Variants in DTWD2 observed in about 807,000 individuals in gnomAD.
DTWD2 encodes DTW motif tRNA-uridine aminocarboxypropyltransferase 2, also known as tRNA-uridine aminocarboxypropyltransferase 2.
A neutral mutation model predicts 31.8 loss-of-function variants in DTWD2; 39 were observed. That is an observed-to-expected ratio of 1.22 (90% confidence interval 0.95 to 1.60). The LOEUF (loss-of-function observed/expected upper bound fraction) is 1.60. Ranked by LOEUF, DTWD2 falls within the 40% of genes most tolerant of loss-of-function variation. The pLI, the probability that DTWD2 is intolerant of heterozygous loss-of-function variation, is 0.00. For missense variants in DTWD2, 515 were observed against 381.5 expected, an observed-to-expected ratio of 1.35 and a Z score of -2.92; for synonymous variants, 180 against 142.8, an observed-to-expected ratio of 1.26 and a Z score of -1.86.
At chr5:118,923,912 G>C (rs918039398) in intron 4 of DTWD2, among the ~76,000 whole-genome samples, 1 of 152,136 alleles carries the variant, frequency 6.6e-6, no homozygotes, top group Non-Finnish European at 1.5e-5. Context: ...GAACATGTTA[G>C]ACAACACTTA....
intron 4 of DTWD2, among the ~76,000 whole-genome samples, chr5:118,876,801 A>C (rs1474073722): frequency 6.6e-6 from 1 of 152,212 alleles, no homozygotes; most frequent in South Asian, 2.1e-4. Context: ...CCAAATGTAC[A>C]AGAAGAGCTG....
At position 118,916,923 on chromosome 5, in the gene DTWD2, G is replaced by A. The variant is rs140420805; in HGVS notation, c.597+11614C>T. ...CAGAGGAATACCTGCTTTTTTTTCT[G>A]ACCCCATTAGAACTACAACTAATTA... On this transcript the variant is annotated intron_variant, in intron 4 of 5. Coordinates refer to ENST00000510708, the MANE Select transcript of DTWD2 (RefSeq NM_173666.4). 5.1e-3 allele frequency among the ~76,000 whole-genome samples: 767 copies of A among 151,638 alleles called. 1 individual carries two copies. The highest frequency in any genetic ancestry group is 7.7e-3 in the Non-Finnish European group (520 of 67,880).
At chr5:118,938,789 T>A (rs1307161178) in intron 3 of DTWD2, among the ~76,000 whole-genome samples, 3 of 78,818 alleles carry the variant, frequency 3.8e-5, no homozygotes, top group Non-Finnish European at 7.3e-5. Flanking sequence ...CTGAACTAAA[T>A]CTAATACAAG....
chr5:118,873,239 G>A (rs1446128114), intron 4 of DTWD2, among the ~76,000 whole-genome samples: 3 of 152,178 alleles, frequency 2.0e-5, no homozygotes, highest in African/African-American at 7.2e-5. Context: ...GGCTCAACTT[G>A]CTCCCATAAG....
chr5:118,915,009 A>G (rs1447092636), intron 4 of DTWD2, among the ~76,000 whole-genome samples: 1 of 152,120 alleles, frequency 6.6e-6, no homozygotes, highest in Non-Finnish European at 1.5e-5. Context: ...GGTGGATCAC[A>G]TGAGTCCAGG....
At chr5:118,855,916 T>G (rs989798160) in intron 4 of DTWD2, among the ~76,000 whole-genome samples, 5 of 152,160 alleles carry the variant, frequency 3.3e-5, no homozygotes, top group African/African-American at 1.2e-4. Flanking sequence ...GATTACAAAA[T>G]TTTTAATATT....
chr5:118,910,988 C>T (rs1753445681), intron 4 of DTWD2, among the ~76,000 whole-genome samples: 1 of 152,174 alleles, frequency 6.6e-6, no homozygotes, highest in Non-Finnish European at 1.5e-5. Flanking sequence ...AAGTCCCCAC[C>T]TCTTAATACC....
In DTWD2 at chr5:118,939,218, C is replaced by T. The variant is rs200486968; in HGVS notation, c.382G>A (p.Gly128Ser). The T allele has an allele frequency of 1.3e-5, 21 of 1,604,918 alleles. No homozygotes were observed. The highest frequency in any genetic ancestry group is 5.1e-5 in the Admixed American group (3 of 58,806). The change falls in exon 3 of 6, where the codon GGT becomes AGT. Residue 128 changes from glycine (G) to serine (S), a missense_variant. By Grantham distance (56) the Gly-to-Ser change is moderately conservative (BLOSUM62 0). Transcript: ENST00000510708. ...LPQDKCKVKI[G>S]RRFSEERDPE... ...TACCTTTCTTCACTGAAGCGACGAC[C>T]GATCTTCACTTTACACTTGTCCTGG...
chr5:118,961,304 TAAAC>T (rs1166968921), intron 1 of DTWD2, among the ~76,000 whole-genome samples: 3 of 152,210 alleles, frequency 2.0e-5, no homozygotes, highest in Non-Finnish European at 4.4e-5. Flanking sequence ...TATAGAAATA[TAAAC>T]AAATATAAAA....
intron 1 of DTWD2, among the ~76,000 whole-genome samples, chr5:118,985,492 A>T (rs1246973481): frequency 1.1e-4 from 10 of 91,018 alleles, no homozygotes; most frequent in African/African-American, 3.5e-4. Flanking sequence ...GTGCATTTTT[A>T]TATATATATA....
intron 4 of DTWD2, among the ~76,000 whole-genome samples, chr5:118,882,758 G>T (rs771253240): frequency 5.9e-5 from 9 of 152,218 alleles, no homozygotes; most frequent in Non-Finnish European, 8.8e-5. Flanking sequence ...GAGCTTCGGG[G>T]CACAGGGCAC....
chr5:118,919,694 T>C (rs1217406135), intron 4 of DTWD2, among the ~76,000 whole-genome samples: 3 of 152,222 alleles, frequency 2.0e-5, no homozygotes, highest in African/African-American at 7.2e-5. Flanking sequence ...TACTCAGCCA[T>C]GCATATGATA....
Position 118,988,296 on chromosome 5 carries a change from G to A in DTWD2, c.216C>T (p.Cys72=), listed in dbSNP as rs924467816. Residue 72 remains cysteine, a splice_region_variant and synonymous_variant, in exon 1 of 6, where the codon TGC becomes TGT. Coordinates refer to ENST00000510708, the MANE Select transcript of DTWD2 (RefSeq NM_173666.4). ...CCCGCCCCCAGCCCCGCGGTCACCT[G>A]CAGCGGGTGCACTCAGGCCTCCGCT... ...PAERRPECTR[C]SRPQKVCLCP... 4 of 1,522,784 alleles carry A rather than the reference G, an allele frequency of 2.6e-6. No individual in the cohort carries two copies. Among genetic ancestry groups the A allele is most frequent in the Admixed American group, 2.1e-5 (1 of 48,614 alleles). 94.3% of individuals were successfully genotyped at this position (1,522,784 alleles called of 1,614,324 possible).
intron 4 of DTWD2, among the ~76,000 whole-genome samples, chr5:118,851,808 G>A (rs528956372): frequency 1.3e-5 from 2 of 150,174 alleles, no homozygotes; most frequent in Admixed American, 6.6e-5. Flanking sequence ...CCTGCACATT[G>A]TGCACATGTA....
rs773667847 is a variant in DTWD2 at position 118,988,347 on chromosome 5, C to T, written c.165G>A (p.Leu55=). The T allele has an allele frequency of 3.2e-6, 5 of 1,558,882 alleles. No homozygotes were observed. In the Admixed American group the frequency reaches 7.6e-5, roughly 24 times the overall value. The change falls in exon 1 of 6, where the codon CTG becomes CTA. Residue 55 remains leucine (L), a synonymous_variant. Transcript: ENST00000510708. ...CGGCCGGCTCCACCGGCAGCTCCCACAGCCCGTCCGCACTGTCGTCGTCCG... is the reference window on the plus strand; with the variant it reads ...CGGCCGGCTCCACCGGCAGCTCCCATAGCCCGTCCGCACTGTCGTCGTCCG... ...AEADDDSADG[L]WELPVEPAER... is the part of the protein sequence containing the mutation.
chr5:118,865,593 A>G (rs1377934907), intron 4 of DTWD2, among the ~76,000 whole-genome samples: 1 of 152,226 alleles, frequency 6.6e-6, no homozygotes, highest in Non-Finnish European at 1.5e-5. Flanking sequence ...AACTGTCTAA[A>G]TACACACAAA....
intron 1 of DTWD2, among the ~76,000 whole-genome samples, chr5:118,956,076 T>G (rs1008052608): frequency 9.2e-5 from 14 of 152,204 alleles, no homozygotes; most frequent in Non-Finnish European, 2.9e-5. Flanking sequence ...TCACAGATTT[T>G]CAATTTCCTT....
At chr5:118,899,584 C>T (rs1753158038) in intron 4 of DTWD2, among the ~76,000 whole-genome samples, 1 of 152,028 alleles carries the variant, frequency 6.6e-6, no homozygotes, top group Non-Finnish European at 1.5e-5. Flanking sequence ...TGTACAGCTC[C>T]ATGAATCTAC....
intron 1 of DTWD2, among the ~76,000 whole-genome samples, chr5:118,966,581 T>TA: frequency 6.6e-6 from 1 of 152,354 alleles, no homozygotes; most frequent in Non-Finnish European, 1.5e-5. Flanking sequence ...GCCAGTCTTA[T>TA]ATCTTTAGTA....
Sources: allele counts gnomAD v4.1 joint callset (sites outside exome capture counted in the v4.1 genomes callset), GRCh38; gene constraint gnomAD v4.1.1; transcripts MANE v1.5; gene names NCBI Gene and HGNC (gene_info 2026-07-23, HGNC 2026-07-21).